RALGPS2: variants seen among roughly 807,000 people sequenced by gnomAD.
RALGPS2 encodes the protein ras-specific guanine nucleotide-releasing factor RalGPS2.
A neutral mutation model predicts 86.8 loss-of-function variants in RALGPS2; 43 were observed. The ratio of observed to expected loss-of-function variants is 0.50; its 90% CI spans 0.39 to 0.64. The LOEUF (loss-of-function observed/expected upper bound fraction) is 0.64. Ranked by LOEUF, RALGPS2 falls within the 30% of genes least tolerant of loss-of-function variation. The pLI, the probability that RALGPS2 is intolerant of heterozygous loss-of-function variation, is 0.00. For synonymous variants in RALGPS2, 243 were observed against 231.3 expected (o/e 1.05, Z -0.46); for missense variants, 536 against 694.6 (o/e 0.77, Z 2.57).
At chr1:178,769,382 C>T (rs1209895861) in intron 1 of RALGPS2, among the ~76,000 whole-genome samples, 4 of 151,978 alleles carry the variant, frequency 2.6e-5, no homozygotes, top group Non-Finnish European at 5.9e-5. Context: ...AGAGAGGGCC[C>T]TACTGCACCA....
At chr1:178,836,445 C>T (rs1429946216) in intron 8 of RALGPS2, among the ~76,000 whole-genome samples, 2 of 152,062 alleles carry the variant, frequency 1.3e-5, no homozygotes, top group East Asian at 1.9e-4. Context: ...TCACTCTCAC[C>T]GTGTAGTTCT....
intron 7 of RALGPS2, among the ~76,000 whole-genome samples, chr1:178,827,555 C>T (rs1049867314): frequency 9.2e-5 from 14 of 151,748 alleles, no homozygotes; most frequent in East Asian, 1.9e-4. Flanking sequence ...CCACTACGCC[C>T]GGCTAATTTT....
chr1:178,779,584 A>C (rs1359524991), intron 2 of RALGPS2, among the ~76,000 whole-genome samples: 4 of 152,202 alleles, frequency 2.6e-5, no homozygotes, highest in Non-Finnish European at 5.9e-5. Flanking sequence ...TTTTTGATGG[A>C]CCAGACATTT....
At position 178,917,428 on chromosome 1, in the gene RALGPS2, GATC is replaced by G. The variant is rs1377033826; in HGVS notation, c.*1072_*1074del. The G allele has an allele frequency of 5.3e-5, 8 of 151,866 alleles. No individual in the cohort carries two copies. The highest frequency in any genetic ancestry group is 1.9e-4 in the African/African-American group (8 of 41,376). The allele number at this position is 151,866 out of a possible 1,614,324, so 9.4% of individuals were successfully genotyped here. ...TCTTTTTGTTCAATATGAGATTCAG[GATC>G]ATATTTGTTTAAAAGGTAACACATA... On this transcript the variant is annotated 3_prime_UTR_variant, in exon 20 of 20. Coordinates refer to ENST00000367635, the MANE Select transcript of RALGPS2 (RefSeq NM_152663.5).
intron 7 of RALGPS2, among the ~76,000 whole-genome samples, chr1:178,825,980 CAGGCATATGTTACAAGGTTTAT>C (rs1241948684): frequency 2.0e-5 from 3 of 152,088 alleles, no homozygotes; most frequent in Non-Finnish European, 4.4e-5. Context: ...AACCTACCTC[CAGGCATATGTTACAAGGTTTAT>C]AAGAAAAGAA....
At chr1:178,771,244 A>G (rs1652798197) in intron 1 of RALGPS2, among the ~76,000 whole-genome samples, 1 of 152,252 alleles carries the variant, frequency 6.6e-6, no homozygotes, top group African/African-American at 2.4e-5. Flanking sequence ...TATCTCTTAA[A>G]GCATTTACTA....
At chr1:178,728,434 C>T (rs1473479481) in intron 1 of RALGPS2, among the ~76,000 whole-genome samples, 3 of 127,292 alleles carry the variant, frequency 2.4e-5, no homozygotes, top group Admixed American at 8.6e-5. Flanking sequence ...GTAAAATAGG[C>T]ACATAGTTTG....
chr1:178,826,588 A>G (rs1231311721), intron 7 of RALGPS2, among the ~76,000 whole-genome samples: 1 of 152,198 alleles, frequency 6.6e-6, no homozygotes, highest in Non-Finnish European at 1.5e-5. Flanking sequence ...TTTAATGGAT[A>G]TGGAGTTTCA....
Position 178,785,124 on chromosome 1 carries a change from G to GC in RALGPS2, c.163-432dup, listed in dbSNP as rs1160019814. On this transcript the variant is annotated intron_variant, in intron 3 of 19. Transcript: ENST00000367635. ...GTGGGATAGGTCCATAGCATATAAA[G>GC]CTCTTAGATATAATGTTGGCTTTAG... Among the ~76,000 whole-genome samples, 3 of 151,852 alleles carry GC rather than the reference G, an allele frequency of 2.0e-5. No homozygotes were observed. In the East Asian group the frequency reaches 5.8e-4, roughly 29 times the overall value.
intron 19 of RALGPS2, 125 bp from the exon 20 acceptor site, chr1:178,916,205 A>G (rs1190175454): frequency 2.8e-6 from 2 of 723,630 alleles, no homozygotes; most frequent in South Asian, 1.9e-5. Context: ...AGCTCCTTAT[A>G]TCAAGTTCCT....
At chr1:178,727,223 T>C (rs1650071535) in intron 1 of RALGPS2, among the ~76,000 whole-genome samples, 1 of 151,792 alleles carries the variant, frequency 6.6e-6, no homozygotes, top group East Asian at 1.9e-4. Context: ...TTTCCCATTA[T>C]ATTCCACTTT....
intron 19 of RALGPS2, among the ~76,000 whole-genome samples, chr1:178,916,085 C>A (rs1572482167): frequency 6.6e-6 from 1 of 152,160 alleles, no homozygotes. Context: ...AAGATATTGT[C>A]TCTACCCCTT....
intron 1 of RALGPS2, among the ~76,000 whole-genome samples, chr1:178,733,775 A>G (rs959932483): frequency 6.6e-6 from 1 of 152,218 alleles, no homozygotes; most frequent in Admixed American, 6.5e-5. Flanking sequence ...AGAAGAAAAC[A>G]TAGGGGTAAA....
chr1:178,743,139 A>G (rs1039029889), intron 1 of RALGPS2, among the ~76,000 whole-genome samples: 2 of 152,188 alleles, frequency 1.3e-5, no homozygotes, highest in Non-Finnish European at 2.9e-5. Context: ...TTGAGCCCAG[A>G]AATTTGAGGC....
At chr1:178,747,038 T>G (rs1651374795) in intron 1 of RALGPS2, 3 of 879,852 alleles carry the variant, frequency 3.4e-6, no homozygotes, top group Non-Finnish European at 5.8e-6. Context: ...GTTATAGCCA[T>G]GTATGAGAAT....
intron 1 of RALGPS2, among the ~76,000 whole-genome samples, chr1:178,730,607 C>A (rs1650282483): frequency 6.7e-6 from 1 of 149,320 alleles, no homozygotes; most frequent in South Asian, 2.1e-4. Context: ...CTTGAACTAT[C>A]TTCTTGCTCA....
At chr1:178,866,208 G>T (rs1331784405) in intron 8 of RALGPS2, among the ~76,000 whole-genome samples, 3 of 152,054 alleles carry the variant, frequency 2.0e-5, no homozygotes, top group Non-Finnish European at 2.9e-5. Context: ...TGTTTGTAAG[G>T]CATTAATTAA....
At chr1:178,732,154 A>C (rs1280540470) in intron 1 of RALGPS2, among the ~76,000 whole-genome samples, 1 of 152,158 alleles carries the variant, frequency 6.6e-6, no homozygotes, top group Non-Finnish European at 1.5e-5. Flanking sequence ...TATGTATTAG[A>C]GGTTTGAGAA....
At chr1:178,766,907 A>G (rs1652533681) in intron 1 of RALGPS2, among the ~76,000 whole-genome samples, 1 of 152,188 alleles carries the variant, frequency 6.6e-6, no homozygotes, top group African/African-American at 2.4e-5. Context: ...TCTTTACATA[A>G]TCACATATTT....
Sources: gnomAD v4.1 joint callset for allele counts (sites outside exome capture counted in the v4.1 genomes callset) on GRCh38, gnomAD v4.1.1 for gene constraint, MANE v1.5 for transcripts, NCBI Gene and HGNC (gene_info 2026-07-23, HGNC 2026-07-21) for gene names.